TLN2: variants seen among roughly 807,000 people sequenced by gnomAD.
TLN2 encodes talin-2.
A neutral mutation model predicts 294.7 loss-of-function variants in TLN2; 118 were observed. The ratio of observed to expected loss-of-function variants is 0.40; its 90% CI spans 0.34 to 0.47. The LOEUF is 0.47. Among genes scored for constraint, TLN2 ranks in the 20% least tolerant of loss-of-function variants. The pLI, the probability that TLN2 is intolerant of heterozygous loss-of-function variation, is 0.84. For synonymous variants in TLN2, 1,431 were observed against 1,304.5 expected (o/e 1.10, Z -2.09); for missense variants, 3,083 against 3,282.2 (o/e 0.94, Z 1.48).
At chr15:62,631,884 T>C (rs2049933590) in intron 3 of TLN2, among the ~76,000 whole-genome samples, 1 of 151,982 alleles carries the variant, frequency 6.6e-6, no homozygotes, top group African/African-American at 2.4e-5. Flanking sequence ...CCGGCCTTGA[T>C]AGTTTTATAG....
intron 8 of TLN2, among the ~76,000 whole-genome samples, chr15:62,657,285 T>G (rs952539774): frequency 2.0e-5 from 3 of 151,828 alleles, no homozygotes; most frequent in African/African-American, 7.3e-5. Flanking sequence ...AGTTCTTGTC[T>G]GTGTGTGTGT....
intron 1 of TLN2, among the ~76,000 whole-genome samples, chr15:62,587,018 AC>A (rs2045664160): frequency 6.6e-6 from 1 of 152,246 alleles, no homozygotes; most frequent in African/African-American, 2.4e-5. Context: ...TCCATTGGTC[AC>A]AGTAACACAC....
chr15:62,810,138 C>G lies in TLN2; in HGVS notation c.6771+106C>G. 3 of 890,130 alleles carry G rather than the reference C, an allele frequency of 3.4e-6. No individual in the cohort carries two copies. In the South Asian group the frequency reaches 4.4e-5, roughly 13 times the overall value. 55.1% of individuals were successfully genotyped at this position (890,130 alleles called of 1,614,324 possible). A position where few individuals can be genotyped will look rare whatever the true frequency, so the allele number is the denominator to read the frequency against. ...GGGAAGACCTCTCTCAGAGCCCTGT[C>G]CATTGCCACTGTGAGGCTGGGACTG... is the stretch of plus-strand genomic sequence containing the variant. On this transcript the variant is annotated intron_variant, in intron 52 of 58. Transcript: ENST00000636159.
intron 54 of TLN2, chr15:62,828,953 T>TC (rs1345581730): frequency 6.6e-6 from 1 of 152,110 alleles, no homozygotes; most frequent in African/African-American, 2.4e-5. Flanking sequence ...GGCCAGCATT[T>TC]CCTACAGAGT....
At chr15:62,752,225 A>C (rs1453624626) in intron 34 of TLN2, 80 bp from the exon 35 acceptor site, 7 of 1,519,786 alleles carry the variant, frequency 4.6e-6, no homozygotes, top group Non-Finnish European at 6.2e-6. Flanking sequence ...CTTGAATATT[A>C]AAGTTGGAGT....
At chr15:62,703,176 C>T (rs1304736287) in intron 19 of TLN2, among the ~76,000 whole-genome samples, 1 of 151,316 alleles carries the variant, frequency 6.6e-6, no homozygotes, top group Admixed American at 6.6e-5. Context: ...GATCTTGGCT[C>T]ATTGCAACCT....
intron 1 of TLN2, among the ~76,000 whole-genome samples, chr15:62,487,825 C>A (rs1335411559): frequency 1.3e-5 from 2 of 152,060 alleles, no homozygotes; most frequent in Non-Finnish European, 2.9e-5. Context: ...ATGGCATGAA[C>A]CTGGGAGGCG....
rs181302365 is a variant in TLN2, at chr15:62,482,500, G to A, written c.-238+91815G>A. 5.4e-5 allele frequency among the ~76,000 whole-genome samples: 8 copies of A among 148,554 alleles called. No individual in the cohort carries two copies. In the Middle Eastern group the frequency reaches 0.01, roughly 191 times the overall value. ...GCCTGTAATCCCAGCTACTCAGGAG[G>A]GGGGAGGCAGGAGAATCGCTTGAAC... On this transcript the variant is annotated intron_variant, in intron 1 of 58. Coordinates refer to ENST00000636159, the MANE Select transcript of TLN2 (RefSeq NM_015059.3).
At chr15:62,456,136 C>T (rs545199890) in intron 1 of TLN2, among the ~76,000 whole-genome samples, 7 of 152,074 alleles carry the variant, frequency 4.6e-5, no homozygotes, top group Non-Finnish European at 1.0e-4. Flanking sequence ...CAGCCCTGAT[C>T]GTCCGGGGAG....
chr15:62,534,910 A>G (rs1050404405), intron 1 of TLN2, among the ~76,000 whole-genome samples: 1 of 152,172 alleles, frequency 6.6e-6, no homozygotes, highest in Admixed American at 6.5e-5. Flanking sequence ...TCTACACAGA[A>G]TTAGGAGATG....
intron 52 of TLN2, among the ~76,000 whole-genome samples, chr15:62,814,968 C>T (rs1252722427): frequency 6.6e-6 from 1 of 152,082 alleles, no homozygotes; most frequent in African/African-American, 2.4e-5. Flanking sequence ...ATGAGAATGC[C>T]CAAGCCTGGG....
chr15:62,598,816 C>T (rs2046763533), intron 2 of TLN2, among the ~76,000 whole-genome samples: 1 of 151,704 alleles, frequency 6.6e-6, no homozygotes, highest in Non-Finnish European at 1.5e-5. Flanking sequence ...CTTTTAGTAT[C>T]CTGGTATTTG....
chr15:62,555,990 A>C (rs1406682776), intron 1 of TLN2, among the ~76,000 whole-genome samples: 2 of 149,204 alleles, frequency 1.3e-5, no homozygotes, highest in Non-Finnish European at 3.0e-5. Flanking sequence ...TTGGACTTTA[A>C]GATTAGTTTT....
intron 29 of TLN2, among the ~76,000 whole-genome samples, chr15:62,737,622 A>G (rs1368902234): frequency 1.3e-5 from 2 of 152,210 alleles, no homozygotes; most frequent in Non-Finnish European, 2.9e-5. Context: ...CTTCCTTTTA[A>G]TTGAGGATAC....
At chr15:62,446,623 TATATA>T (rs1169525481) in intron 1 of TLN2, among the ~76,000 whole-genome samples, 5 of 152,026 alleles carry the variant, frequency 3.3e-5, no homozygotes, top group African/African-American at 1.2e-4. Context: ...TCAGTTTTCT[TATATA>T]AAAAAATGAA....
Position 62,836,064 on chromosome 15 carries a change from G to A in TLN2, c.7365G>A (p.Arg2455=), listed in dbSNP as rs1271407128. 1 of 1,609,378 alleles carries A rather than the reference G, an allele frequency of 6.2e-7. No individual in the cohort carries two copies. Among genetic ancestry groups the A allele is most frequent in the Admixed American group, 1.7e-5 (1 of 59,420 alleles). The change falls in exon 57 of 59, where the codon AGG becomes AGA. Residue 2455 remains arginine (R), a synonymous_variant. Transcript: ENST00000636159. ...CCGACCAGGATTCAGAGGCCATGAG[G>A]CGGCTACAGGTAATGGTCACTGATG... ...VKADQDSEAM[R]RLQAAGNAVK... is the part of the protein sequence containing the mutation.
chr15:62,823,164 C>T (rs1168394173), intron 54 of TLN2, among the ~76,000 whole-genome samples: 1 of 152,174 alleles, frequency 6.6e-6, no homozygotes, highest in Non-Finnish European at 1.5e-5. Flanking sequence ...GTGATGGGTA[C>T]TTCTAGAATG....
At chr15:62,744,424 T>G (rs1258352487) in intron 32 of TLN2, among the ~76,000 whole-genome samples, 1 of 150,744 alleles carries the variant, frequency 6.6e-6, no homozygotes, top group East Asian at 1.9e-4. Context: ...TTTTTTTTTT[T>G]TTAAAGAGAG....
At chr15:62,399,770 G>A (rs533902783) in intron 1 of TLN2, among the ~76,000 whole-genome samples, 32 of 152,286 alleles carry the variant, frequency 2.1e-4, no homozygotes, top group Non-Finnish European at 4.0e-4. Flanking sequence ...GGCAATTCCT[G>A]TACCACCTTT....
Sources: allele counts gnomAD v4.1 joint callset (sites outside exome capture counted in the v4.1 genomes callset), GRCh38; gene constraint gnomAD v4.1.1; transcripts MANE v1.5; gene names NCBI Gene and HGNC (gene_info 2026-07-23, HGNC 2026-07-21).